NEGR1: variants seen among roughly 807,000 people sequenced by gnomAD.
NEGR1 encodes IgLON family member 4.
Under a neutral mutation model 40.9 loss-of-function variants are expected in NEGR1, and 10 were observed. The observed-to-expected ratio is 0.24, with a 90% CI of 0.15 to 0.42. The LOEUF (loss-of-function observed/expected upper bound fraction) is 0.42, where lower values mean the gene tolerates loss of function less well. NEGR1 is among the 10% of genes least tolerant of loss of function. NEGR1 has a pLI of 1.00. For missense variants in NEGR1, 352 were observed against 438.9 expected, an observed-to-expected ratio of 0.80 and a Z score of 1.77; for synonymous variants, 185 against 166.8, an observed-to-expected ratio of 1.11 and a Z score of -0.84.
At chr1:71,814,713 T>C (rs1658135419) in intron 2 of NEGR1, among the ~76,000 whole-genome samples, 1 of 152,158 alleles carries the variant, frequency 6.6e-6, no homozygotes, top group Non-Finnish European at 1.5e-5. Flanking sequence ...GTGTTCATAG[T>C]ATTATCTGAT....
In NEGR1 at chr1:71,432,279, A is replaced by G. The variant is rs1245208442; in HGVS notation, c.941-24709T>C. On this transcript the variant is annotated intron_variant, in intron 6 of 6. Transcript: ENST00000357731. The stretch of plus-strand genomic sequence containing the variant: ...TTCTAACAGAGATAATAGAGCATGT[A>G]TATTAGCAATTGCTCTTTTTTAAAG... Among the ~76,000 whole-genome samples the G allele has an allele frequency of 9.2e-5, 14 of 152,212 alleles. 1 individual carries two copies. Among genetic ancestry groups the G allele is most frequent in the Admixed American group, 8.5e-4 (13 of 15,282 alleles).
chr1:71,487,044 A>G (rs1214674257), intron 6 of NEGR1: 2 of 151,596 alleles, frequency 1.3e-5, no homozygotes, highest in African/African-American at 2.4e-5. Flanking sequence ...GACATAAGAA[A>G]CCGAGAGAAA....
At chr1:71,496,038 A>T (rs1381396902) in intron 6 of NEGR1, among the ~76,000 whole-genome samples, 1 of 152,124 alleles carries the variant, frequency 6.6e-6, no homozygotes, top group Admixed American at 6.5e-5. Context: ...TTACAATTTT[A>T]TATGAGCAAG....
intron 3 of NEGR1, among the ~76,000 whole-genome samples, chr1:71,708,008 C>A (rs982929212): frequency 6.6e-6 from 1 of 152,086 alleles, no homozygotes; most frequent in Admixed American, 6.5e-5. Flanking sequence ...TTCAAATAAC[C>A]AGAAAGCCTT....
intron 2 of NEGR1, among the ~76,000 whole-genome samples, chr1:71,928,576 A>G (rs1038726269): frequency 6.7e-6 from 1 of 149,136 alleles, no homozygotes; most frequent in Non-Finnish European, 1.5e-5. Context: ...ACCTATATAT[A>G]TTTTTTTTCC....
chr1:71,609,514 CAAAAAAAAAAAAAAAAAAAAAAAAAAAAA>C (rs61728217), intron 5 of NEGR1, among the ~76,000 whole-genome samples: 1,686 of 24,200 alleles, frequency 0.07, 105 homozygotes, highest in African/African-American at 0.16. Flanking sequence ...GACTCCGTCT[CAAAAAAAAAAAAAAAAAAAAAAAAAAAAA>C]AAAAAAAAAA....
intron 6 of NEGR1, among the ~76,000 whole-genome samples, chr1:71,502,490 A>G (rs1212016107): frequency 6.6e-6 from 1 of 152,112 alleles, no homozygotes; most frequent in Admixed American, 6.5e-5. Flanking sequence ...CTCTCAGTCC[A>G]TTCTTTGGAT....
At chr1:71,683,136 T>A (rs577046682) in intron 4 of NEGR1, among the ~76,000 whole-genome samples, 10 of 152,304 alleles carry the variant, frequency 6.6e-5, no homozygotes, top group Non-Finnish European at 1.3e-4. Context: ...AGGAGAATTT[T>A]TCCATAAAAT....
At chr1:72,101,078 AGGGCTT>A (rs2100244842) in intron 1 of NEGR1, 1 of 152,326 alleles carries the variant, frequency 6.6e-6, no homozygotes, top group Admixed American at 6.5e-5. Context: ...ACTGGGAGTT[AGGGCTT>A]GGACACAGGA....
chr1:72,164,986 T>A (rs927138188), intron 1 of NEGR1, among the ~76,000 whole-genome samples: 1 of 152,028 alleles, frequency 6.6e-6, no homozygotes, highest in Non-Finnish European at 1.5e-5. Flanking sequence ...CCTTGATAAT[T>A]TTTTTTTCAT....
At chr1:71,596,862 A>G (rs1649729399) in intron 5 of NEGR1, among the ~76,000 whole-genome samples, 2 of 152,236 alleles carry the variant, frequency 1.3e-5, no homozygotes. Flanking sequence ...TTTAAATATT[A>G]GAATAACTTG....
intron 1 of NEGR1, among the ~76,000 whole-genome samples, chr1:72,087,367 G>T (rs1346949489): frequency 6.6e-6 from 1 of 151,860 alleles, no homozygotes; most frequent in African/African-American, 2.4e-5. Context: ...GGAGGCGGAG[G>T]TTGCAGTGAG....
At chr1:71,643,234 T>G (rs1242794159) in intron 4 of NEGR1, among the ~76,000 whole-genome samples, 1 of 152,006 alleles carries the variant, frequency 6.6e-6, no homozygotes, top group Non-Finnish European at 1.5e-5. Flanking sequence ...ATGTTAGGCT[T>G]GTCAACATAT....
At chr1:72,241,594 A>G (rs139419419) in intron 1 of NEGR1, among the ~76,000 whole-genome samples, 50 of 151,854 alleles carry the variant, frequency 3.3e-4, no homozygotes, top group African/African-American at 9.9e-4. Flanking sequence ...ACTAATGGCT[A>G]GAGTCTGCCT....
intron 1 of NEGR1, among the ~76,000 whole-genome samples, chr1:72,079,975 T>C (rs1166164092): frequency 6.6e-6 from 1 of 152,120 alleles, no homozygotes; most frequent in African/African-American, 2.4e-5. Context: ...CTCTCAGTAA[T>C]TGCTAAGGCT....
chr1:71,862,822 A>G (rs1385563722), intron 2 of NEGR1, among the ~76,000 whole-genome samples: 1 of 152,186 alleles, frequency 6.6e-6, no homozygotes, highest in Non-Finnish European at 1.5e-5. Context: ...GAAGACATTC[A>G]TGCAGCCAAC....
chr1:71,974,698 G>A (rs1646286638), intron 1 of NEGR1, among the ~76,000 whole-genome samples: 1 of 151,912 alleles, frequency 6.6e-6, no homozygotes, highest in East Asian at 1.9e-4. Flanking sequence ...ATATTCAATG[G>A]TATATTAATT....
chr1:72,009,207 C>T (rs61767477), intron 1 of NEGR1, among the ~76,000 whole-genome samples: 14,972 of 151,770 alleles, frequency 0.099, 829 homozygotes, highest in Middle Eastern at 0.18. Context: ...TATTTTGTTG[C>T]TAAATTCTTC....
chr1:71,458,634 G>A (rs1316644950), intron 6 of NEGR1, among the ~76,000 whole-genome samples: 1 of 152,044 alleles, frequency 6.6e-6, no homozygotes, highest in South Asian at 2.1e-4. Context: ...TTAACTTTGT[G>A]AGTCCAGTTC....
Sources: gnomAD v4.1 joint callset for allele counts (sites outside exome capture counted in the v4.1 genomes callset) on GRCh38, gnomAD v4.1.1 for gene constraint, MANE v1.5 for transcripts, NCBI Gene and HGNC (gene_info 2026-07-23, HGNC 2026-07-21) for gene names.